Variants in PLPP4 observed in about 807,000 individuals in gnomAD.
PLPP4 encodes the protein diacylglycerol pyrophosphate like 2.
Under a neutral mutation model 32.2 loss-of-function variants are expected in PLPP4, and 20 were observed. The ratio of observed to expected loss-of-function variants is 0.62; its 90% CI spans 0.44 to 0.90. The LOEUF is 0.90. Among genes scored for constraint, PLPP4 ranks in the 40% least tolerant of loss-of-function variants. The pLI, the probability that PLPP4 is intolerant of heterozygous loss-of-function variation, is 0.00. For synonymous variants in PLPP4, 127 were observed against 133.0 expected (o/e 0.95, Z 0.31); for missense variants, 257 against 353.1 (o/e 0.73, Z 2.18).
rs369114672 is a variant in PLPP4 at position 120,519,403 on chromosome 10, A to G, written c.320+507A>G. Among the ~76,000 whole-genome samples, 6 of 151,798 alleles carry G rather than the reference A, an allele frequency of 4.0e-5. No individual in the cohort carries two copies. In the East Asian group the frequency reaches 9.6e-4, roughly 24 times the overall value. On this transcript the variant is annotated intron_variant, in intron 4 of 6. Transcript: ENST00000398250. ...GTCTCTACAGACATGAGCAGTCAAA[A>G]CATCTGAATTCAAGACCTAACTAAC...
At chr10:120,563,392 GTAAAGAGTCTATGTGAGT>G (rs565389748) in intron 5 of PLPP4, among the ~76,000 whole-genome samples, 1 of 152,290 alleles carries the variant, frequency 6.6e-6, no homozygotes, top group South Asian at 2.1e-4. Context: ...TTAATTCTTT[GTAAAGAGTCTATGTGAGT>G]TGATTTATTT....
chr10:120,478,390 C>T (rs1029890933), intron 1 of PLPP4, among the ~76,000 whole-genome samples: 13 of 152,186 alleles, frequency 8.5e-5, no homozygotes, highest in African/African-American at 1.9e-4. Flanking sequence ...AGCTGAAGCT[C>T]ACCTCTTCCA....
At chr10:120,552,056 A>G (rs991854536) in intron 5 of PLPP4, among the ~76,000 whole-genome samples, 3 of 152,154 alleles carry the variant, frequency 2.0e-5, no homozygotes, top group Non-Finnish European at 4.4e-5. Flanking sequence ...CCAGACTTGT[A>G]GCAGGAACTG....
At chr10:120,517,091 T>C (rs572027246) in intron 3 of PLPP4, among the ~76,000 whole-genome samples, 6 of 152,276 alleles carry the variant, frequency 3.9e-5, no homozygotes, top group Admixed American at 6.5e-5. Context: ...CCCACCAGGC[T>C]CAGAGGCTGG....
intron 5 of PLPP4, among the ~76,000 whole-genome samples, chr10:120,528,186 T>G (rs917705697): frequency 2.1e-5 from 3 of 144,454 alleles, no homozygotes; most frequent in African/African-American, 7.7e-5. Flanking sequence ...GCCATTCTCC[T>G]GCCTCCGCCT....
At chr10:120,519,591 G>C (rs1341389516) in intron 4 of PLPP4, among the ~76,000 whole-genome samples, 1 of 152,070 alleles carries the variant, frequency 6.6e-6, no homozygotes, top group Non-Finnish European at 1.5e-5. Flanking sequence ...TGTGTGCCCT[G>C]ACCAGTGCTT....
intron 6 of PLPP4, among the ~76,000 whole-genome samples, chr10:120,578,244 G>T (rs548753723): frequency 1.0e-3 from 153 of 152,324 alleles, no homozygotes; most frequent in East Asian, 1.9e-4. Context: ...GACCTCAAAG[G>T]TTTCCCACTG....
At chr10:120,571,132 G>GT (rs35540558) in intron 5 of PLPP4, among the ~76,000 whole-genome samples, 24 of 149,092 alleles carry the variant, frequency 1.6e-4, no homozygotes, top group African/African-American at 5.5e-4. Flanking sequence ...GTGTGTGTGT[G>GT]GTCTGTGTGT....
chr10:120,564,722 T>A (rs1206675158), intron 5 of PLPP4, among the ~76,000 whole-genome samples: 3 of 151,954 alleles, frequency 2.0e-5, no homozygotes, highest in Non-Finnish European at 2.9e-5. Context: ...ATGATCATCT[T>A]TATCTCTAAT....
At chr10:120,489,706 G>A (rs117757297) in intron 1 of PLPP4, among the ~76,000 whole-genome samples, 156 of 152,080 alleles carry the variant, frequency 1.0e-3, no homozygotes, top group Non-Finnish European at 1.5e-3. Flanking sequence ...TAATGTAAGA[G>A]CTCCTGTTTT....
intron 3 of PLPP4, among the ~76,000 whole-genome samples, chr10:120,515,062 A>G (rs1378616487): frequency 6.6e-6 from 1 of 152,202 alleles, no homozygotes; most frequent in Non-Finnish European, 1.5e-5. Flanking sequence ...CCTGCCCTAA[A>G]GCAGCACAGA....
At chr10:120,550,638 A>G (rs1847852162) in intron 5 of PLPP4, among the ~76,000 whole-genome samples, 1 of 151,998 alleles carries the variant, frequency 6.6e-6, no homozygotes, top group Non-Finnish European at 1.5e-5. Context: ...AAAAGGTGTC[A>G]AGGTAATCTA....
intron 1 of PLPP4, among the ~76,000 whole-genome samples, chr10:120,487,093 T>G (rs1175822168): frequency 6.6e-6 from 1 of 152,244 alleles, no homozygotes; most frequent in Non-Finnish European, 1.5e-5. Flanking sequence ...ATTACACTTT[T>G]TCCCAAACTT....
intron 5 of PLPP4, among the ~76,000 whole-genome samples, chr10:120,546,265 C>A (rs532902995): frequency 2.0e-5 from 3 of 152,084 alleles, no homozygotes; most frequent in African/African-American, 7.2e-5. Flanking sequence ...TCTAGAGAAC[C>A]CTGACTCACA....
intron 6 of PLPP4, among the ~76,000 whole-genome samples, chr10:120,585,732 G>A (rs36107091): frequency 0.054 from 8,294 of 152,228 alleles, 329 homozygotes; most frequent in Middle Eastern, 0.15. Flanking sequence ...TCTTGGATCG[G>A]GGGTGAGGAT....
intron 1 of PLPP4, among the ~76,000 whole-genome samples, chr10:120,496,315 A>G (rs949459706): frequency 1.3e-5 from 2 of 152,194 alleles, no homozygotes; most frequent in African/African-American, 4.8e-5. Context: ...GTCCCTTGTC[A>G]TGGACTTGCT....
intron 5 of PLPP4, among the ~76,000 whole-genome samples, chr10:120,528,105 C>T (rs1366218820): frequency 2.7e-5 from 3 of 111,014 alleles, no homozygotes; most frequent in African/African-American, 3.5e-5. Context: ...GGCGGAGTCT[C>T]ACTCTGTCGC....
At chr10:120,554,579 T>C (rs892599969) in intron 5 of PLPP4, among the ~76,000 whole-genome samples, 5 of 152,168 alleles carry the variant, frequency 3.3e-5, no homozygotes, top group African/African-American at 1.2e-4. Flanking sequence ...ATTCTCAAAC[T>C]GCAGTAAAGA....
At chr10:120,579,199 C>T (rs1401835196) in intron 6 of PLPP4, among the ~76,000 whole-genome samples, 2 of 152,130 alleles carry the variant, frequency 1.3e-5, no homozygotes, top group African/African-American at 4.8e-5. Flanking sequence ...TTGGAGGTAA[C>T]ATTTTAAACA....
Sources: gnomAD v4.1 joint callset for allele counts (sites outside exome capture counted in the v4.1 genomes callset) on GRCh38, gnomAD v4.1.1 for gene constraint, MANE v1.5 for transcripts, NCBI Gene and HGNC (gene_info 2026-07-23, HGNC 2026-07-21) for gene names.